COPG2: variants seen among roughly 807,000 people sequenced by gnomAD.
The protein encoded by COPG2 is coat protein complex I subunit gamma 2.
A neutral mutation model predicts 46.3 loss-of-function variants in COPG2; 37 were observed. That is an observed-to-expected ratio of 0.80 (90% confidence interval 0.61 to 1.05). The LOEUF (loss-of-function observed/expected upper bound fraction) is 1.05, where lower values mean the gene tolerates loss of function less well. Ranked by LOEUF, COPG2 falls within the 50% of genes least tolerant of loss-of-function variation. The pLI, the probability that COPG2 is intolerant of heterozygous loss-of-function variation, is 0.00. For missense variants in COPG2, 427 were observed against 387.8 expected, an observed-to-expected ratio of 1.10 and a Z score of -0.85; for synonymous variants, 159 against 129.7, an observed-to-expected ratio of 1.23 and a Z score of -1.53.
chr7:130,526,840 G>T (rs1299937023), intron 20 of COPG2, among the ~76,000 whole-genome samples: 1 of 148,176 alleles, frequency 6.7e-6, no homozygotes, highest in African/African-American at 2.5e-5. Context: ...GTGGGGATGG[G>T]GTTCGGGGTG....
At position 130,631,402 on chromosome 7, in the gene COPG2, C is replaced by G. The variant is rs141744704; in HGVS notation, c.324-14337G>C. Among the ~76,000 whole-genome samples, 3 of 152,088 alleles carry G rather than the reference C, an allele frequency of 2.0e-5. No homozygotes were observed. The South Asian group carries it at 6.2e-4, about 32-fold the overall frequency. On this transcript the variant is annotated intron_variant, in intron 5 of 23. Coordinates refer to ENST00000425248, the MANE Select transcript of COPG2 (RefSeq NM_012133.6). Reference sequence around the variant, plus strand: ...CCAACTCCTGACCTCAGGCGATCCACCTGCCTCGGTCTCCCAGTGTGCTGG... The same window carrying G: ...CCAACTCCTGACCTCAGGCGATCCAGCTGCCTCGGTCTCCCAGTGTGCTGG...
intron 12 of COPG2, among the ~76,000 whole-genome samples, chr7:130,557,914 T>C (rs1162666370): frequency 6.8e-6 from 1 of 147,554 alleles, no homozygotes; most frequent in Non-Finnish European, 1.5e-5. Context: ...AAAGCTTCTA[T>C]ATTTAGAACA....
At chr7:130,540,591 G>A (rs1327817878) in intron 20 of COPG2, among the ~76,000 whole-genome samples, 1 of 152,008 alleles carries the variant, frequency 6.6e-6, no homozygotes, top group African/African-American at 2.4e-5. Flanking sequence ...GTGTTAAAGG[G>A]CAAATAGGGA....
intron 20 of COPG2, among the ~76,000 whole-genome samples, chr7:130,522,464 G>T (rs1209961748): frequency 1.3e-5 from 2 of 152,076 alleles, no homozygotes. Context: ...ATATTGTACG[G>T]GTGTGGAAGC....
chr7:130,528,786 T>C (rs1051067551), intron 20 of COPG2, among the ~76,000 whole-genome samples: 2,658 of 151,274 alleles, frequency 0.018, 40 homozygotes, highest in Non-Finnish European at 0.026. Context: ...AGAGGAGAGC[T>C]TGTTGAGAGC....
chr7:130,606,751 T>A (rs1304164184), intron 9 of COPG2, among the ~76,000 whole-genome samples: 4 of 152,158 alleles, frequency 2.6e-5, no homozygotes, highest in Non-Finnish European at 5.9e-5. Context: ...TGACAGCCTA[T>A]CCTATGAATT....
intron 1 of COPG2, among the ~76,000 whole-genome samples, chr7:130,667,925 A>G (rs777066843): frequency 6.6e-6 from 1 of 152,206 alleles, no homozygotes; most frequent in Non-Finnish European, 1.5e-5. Flanking sequence ...GAAGTTTCCC[A>G]GAGAATCATG....
At chr7:130,588,499 A>G (rs1193283176) in intron 9 of COPG2, among the ~76,000 whole-genome samples, 1 of 152,280 alleles carries the variant, frequency 6.6e-6, no homozygotes, top group South Asian at 2.1e-4. Flanking sequence ...CTTTGTAGGG[A>G]CATGGATGAA....
At chr7:130,513,502 G>A (rs1310351808) in intron 20 of COPG2, among the ~76,000 whole-genome samples, 1 of 150,836 alleles carries the variant, frequency 6.6e-6, no homozygotes, top group East Asian at 1.9e-4. Flanking sequence ...GTAGAGAGAT[G>A]TGAGTTAAGC....
chr7:130,545,424 G>A (rs1793424856), intron 20 of COPG2, among the ~76,000 whole-genome samples: 1 of 152,128 alleles, frequency 6.6e-6, no homozygotes, highest in African/African-American at 2.4e-5. Flanking sequence ...ACATATTGAT[G>A]TTTAAGACCT....
intron 5 of COPG2, among the ~76,000 whole-genome samples, chr7:130,629,906 TTC>T (rs1795195363): frequency 1.3e-5 from 2 of 152,146 alleles, no homozygotes; most frequent in East Asian, 3.9e-4. Context: ...AGCATTTTGT[TTC>T]TTTCTTTCCT....
intron 4 of COPG2, among the ~76,000 whole-genome samples, chr7:130,653,728 G>A (rs1051368341): frequency 6.6e-6 from 1 of 152,122 alleles, no homozygotes; most frequent in Non-Finnish European, 1.5e-5. Context: ...TTTCTTTTAA[G>A]TAGAGAAACC....
chr7:130,576,706 GAACA>G (rs1184419210), intron 9 of COPG2, among the ~76,000 whole-genome samples: 1 of 151,862 alleles, frequency 6.6e-6, no homozygotes, highest in Non-Finnish European at 1.5e-5. Flanking sequence ...AGAAAAACAA[GAACA>G]AACCAAACCC....
chr7:130,513,911 TG>T (rs1799651878), intron 20 of COPG2, among the ~76,000 whole-genome samples: 1 of 152,260 alleles, frequency 6.6e-6, no homozygotes, highest in Admixed American at 6.5e-5. Context: ...AGGTATTGAC[TG>T]GAGGGATACG....
At chr7:130,512,770 C>T (rs558911361) in intron 20 of COPG2, among the ~76,000 whole-genome samples, 63 of 152,086 alleles carry the variant, frequency 4.1e-4, no homozygotes, top group Non-Finnish European at 8.1e-4. Flanking sequence ...AGAGAGATGG[C>T]AAGTGAAAGG....
intron 9 of COPG2, chr7:130,603,915 AAT>A (rs1794683559): frequency 2.0e-6 from 1 of 505,038 alleles, no homozygotes; most frequent in East Asian, 5.6e-5. Flanking sequence ...TGATAACAAA[AAT>A]AGTTCATTAA....
At chr7:130,518,579 T>C (rs1441331546) in intron 20 of COPG2, among the ~76,000 whole-genome samples, 4 of 152,190 alleles carry the variant, frequency 2.6e-5, no homozygotes, top group African/African-American at 9.7e-5. Flanking sequence ...ATAATACTGA[T>C]GTTAATATAT....
chr7:130,606,874 T>C (rs977982597), intron 9 of COPG2, among the ~76,000 whole-genome samples: 19 of 152,202 alleles, frequency 1.2e-4, no homozygotes, highest in African/African-American at 4.3e-4. Context: ...ATTTTTAAGC[T>C]CTAGAATTTC....
At chr7:130,620,593 T>TA (rs1795022575) in intron 5 of COPG2, among the ~76,000 whole-genome samples, 1 of 152,230 alleles carries the variant, frequency 6.6e-6, no homozygotes, top group Non-Finnish European at 1.5e-5. Flanking sequence ...ATTGTTATTC[T>TA]ATGCCTGTCC....
Sources: gnomAD v4.1 joint callset for allele counts (sites outside exome capture counted in the v4.1 genomes callset) on GRCh38, gnomAD v4.1.1 for gene constraint, MANE v1.5 for transcripts, NCBI Gene and HGNC (gene_info 2026-07-23, HGNC 2026-07-21) for gene names.